Variants in SBF1 observed in about 807,000 individuals in gnomAD.
SBF1 encodes the protein SET binding factor 1, also known as myotubularin-related protein 5.
Under a neutral mutation model 215.8 loss-of-function variants are expected in SBF1, and 65 were observed. The observed-to-expected ratio is 0.30, with a 90% CI of 0.25 to 0.37. The LOEUF is 0.37. SBF1 is among the 10% of genes least tolerant of loss of function. The pLI is 1.00. For synonymous variants in SBF1, 1,410 were observed against 1,122.8 expected (o/e 1.26, Z -5.11); for missense variants, 2,634 against 2,667.8 (o/e 0.99, Z 0.28).
chr22:50,460,443 G>A (rs763698635), intron 24 of SBF1, 35 bp from the exon 25 acceptor site: 2 of 1,602,768 alleles, frequency 1.2e-6, no homozygotes, highest in Non-Finnish European at 8.5e-7. Flanking sequence ...GGTGAGAGGA[G>A]GAGGGACAAA....
In SBF1 at chr22:50,460,026, G is replaced by T. The variant is rs772746655; in HGVS notation, c.3417C>A (p.Ser1139Arg). 1 of 1,614,006 alleles carries T rather than the reference G, an allele frequency of 6.2e-7. No individual in the cohort carries two copies. The highest frequency in any genetic ancestry group is 8.5e-7 in the Non-Finnish European group (1 of 1,179,976). ...CAGACTTGGCCCGGCTCAGGCTGCT[G>T]CTCAGGGTGCCCAGACCGAGGCGCT... is the stretch of plus-strand genomic sequence containing the variant. The part of the protein sequence containing the change: ...DYQRLGLGTL[S>R]SSLSRAKSEP... Residue 1139 changes from serine to arginine, a missense_variant, in exon 26 of 41, where the codon AGC becomes AGA. Transcript: ENST00000380817.
rs1462481566 is a variant in SBF1 at position 50,446,949 on chromosome 22, G to C, written c.*193C>G. On this transcript the variant is annotated 3_prime_UTR_variant, in exon 41 of 41. Coordinates refer to ENST00000380817, the MANE Select transcript of SBF1 (RefSeq NM_002972.4). ...TGGCCACCTCCCGGCACGGTGCTCA[G>C]CTGTGACGCCAAAATAAGTTAGGGC... 2 of 708,704 alleles carry C rather than the reference G, an allele frequency of 2.8e-6. No homozygotes were observed. The highest frequency in any genetic ancestry group is 2.6e-6 in the Non-Finnish European group (1 of 391,696). 43.9% of individuals were successfully genotyped at this position (708,704 alleles called of 1,614,324 possible). A position where few individuals can be genotyped will look rare whatever the true frequency, so the allele number is the denominator to read the frequency against.
Position 50,460,332 on chromosome 22 carries a change from G to A in SBF1, c.3223C>T (p.Pro1075Ser). 5 of 1,613,550 alleles carry A rather than the reference G, an allele frequency of 3.1e-6. No individual in the cohort carries two copies. Among genetic ancestry groups the A allele is most frequent in the Non-Finnish European group, 4.2e-6 (5 of 1,179,630 alleles). ...RQHVTRKKYN[P>S]PSWEHRGQPP... is the part of the protein sequence containing the mutation. ...TGGCCCCGGTGCTCCCAGCTGGGGGGGTTGTACTTCTTGCGAGTGACATGC... is the reference window on the plus strand; with the variant it reads ...TGGCCCCGGTGCTCCCAGCTGGGGGAGTTGTACTTCTTGCGAGTGACATGC... The change falls in exon 25 of 41, where the codon CCC becomes TCC. Residue 1075 changes from proline (P) to serine (S), a missense_variant. Coordinates refer to ENST00000380817, the MANE Select transcript of SBF1 (RefSeq NM_002972.4).
chr22:50,460,240 G>C (rs374273752), intron 25 of SBF1, 32 bp downstream of exon 25: 5 of 1,599,668 alleles, frequency 3.1e-6, no homozygotes, highest in African/African-American at 1.3e-5. Flanking sequence ...AGCATCCAGA[G>C]ACCACCCAGG....
At chr22:50,457,545 G>A (rs1248264667) in intron 28 of SBF1, among the ~76,000 whole-genome samples, 1 of 152,246 alleles carries the variant, frequency 6.6e-6, no homozygotes, top group East Asian at 1.9e-4. Context: ...AACAGGAGGT[G>A]CCCAAGAGGT....
Position 50,474,868 on chromosome 22 carries a change from G to A in SBF1, c.-28C>T, listed in dbSNP as rs767730664. On this transcript the variant is annotated 5_prime_UTR_variant, in exon 1 of 41. Coordinates refer to ENST00000380817, the MANE Select transcript of SBF1 (RefSeq NM_002972.4). ...CGAGGGACGCGGGGCGGCCCGAGGGGCGCGGGCGGGCTCCGCGGCTCGGGG... is the reference window on the plus strand; with the variant it reads ...CGAGGGACGCGGGGCGGCCCGAGGGACGCGGGCGGGCTCCGCGGCTCGGGG... 21 of 1,354,806 alleles carry A rather than the reference G, an allele frequency of 1.6e-5. 1 individual carries two copies. In the South Asian group the frequency reaches 1.9e-4, roughly 12 times the overall value. The allele number at this position is 1,354,806 out of a possible 1,614,324, so 83.9% of individuals were successfully genotyped here. A position where few individuals can be genotyped will look rare whatever the true frequency, so the allele number is the denominator to read the frequency against.
chr22:50,461,707 C>T lies in SBF1; in HGVS notation c.2655G>A (p.Leu885=), dbSNP rs766609667. The T allele has an allele frequency of 6.2e-7, 1 of 1,609,902 alleles. No homozygotes were observed. Among genetic ancestry groups the T allele is most frequent in the Non-Finnish European group, 8.5e-7 (1 of 1,178,920 alleles). Residue 885 remains leucine, a synonymous_variant, in exon 22 of 41, where the codon CTG becomes CTA. Transcript: ENST00000380817. Reference sequence around the variant, plus strand: ...CCTCACCCGGCAGCAGGCGCGGCCGCAGCAGCTTGGGCTGCTCGAAAACAA... The same window carrying T: ...CCTCACCCGGCAGCAGGCGCGGCCGTAGCAGCTTGGGCTGCTCGAAAACAA... ...RLPPIQKPKL[L]RPRLLPGEEC...
Position 50,467,094 on chromosome 22 carries a change from T to C in SBF1, c.549+244A>G, listed in dbSNP as rs376589792. On this transcript the variant is annotated intron_variant, in intron 5 of 40. Coordinates refer to ENST00000380817, the MANE Select transcript of SBF1 (RefSeq NM_002972.4). ...GCAGACAAACAAGCTGACATCAACA[T>C]CCAGAGACAGGCACACACCATCAAA... is the stretch of plus-strand genomic sequence containing the variant. 1.2e-4 allele frequency: 71 copies of C among 587,920 alleles called. 2 individuals are homozygous for C. The East Asian group carries it at 1.9e-3, about 16-fold the overall frequency. The allele number at this position is 587,920 out of a possible 1,614,324, so 36.4% of individuals were successfully genotyped here.
At position 50,460,354 on chromosome 22, in the gene SBF1, A is replaced by ATGC; in HGVS notation, c.3198_3200dup (p.Gln1066dup). On this transcript the variant is annotated inframe_insertion, in exon 25 of 41. Coordinates refer to ENST00000380817, the MANE Select transcript of SBF1 (RefSeq NM_002972.4). ...GGGGGTTGTACTTCTTGCGAGTGAC[A>ATGC]TGCTGCCGCCCGATGGTCTTCTTGG... is the stretch of plus-strand genomic sequence containing the variant. 1.2e-6 allele frequency: 2 copies of ATGC among 1,613,480 alleles called. No homozygotes were observed. Among genetic ancestry groups the ATGC allele is most frequent in the Middle Eastern group, 1.7e-4 (1 of 6,060 alleles).
At chr22:50,457,170 T>TG in intron 28 of SBF1, 59 bp from the exon 29 acceptor site, 1 of 1,360,908 alleles carries the variant, frequency 7.3e-7, no homozygotes, top group Non-Finnish European at 9.7e-7. Flanking sequence ...GTGCCCAGCT[T>TG]GGGGGTGCCT....
chr22:50,472,119 T>C lies in SBF1; in HGVS notation c.55+2667A>G, dbSNP rs111426919. Among the ~76,000 whole-genome samples the C allele has an allele frequency of 4.6e-3, 698 of 152,266 alleles. 5 individuals are homozygous for C. The highest frequency in any genetic ancestry group is 0.044 in the Middle Eastern group (13 of 294). ...GCCTGCCCCAGAGCACAGAAGGTGA[T>C]CCCTGACTCACCAGGTGAGGGGCCT... On this transcript the variant is annotated intron_variant, in intron 1 of 40. Transcript: ENST00000380817.
chr22:50,454,453 G>A (rs2067166561), intron 36 of SBF1, 59 bp downstream of exon 36: 2 of 1,429,460 alleles, frequency 1.4e-6, no homozygotes, highest in African/African-American at 2.8e-5. Context: ...GCACGACCCT[G>A]GTGTCTGAGC....
intron 36 of SBF1, among the ~76,000 whole-genome samples, chr22:50,452,878 CAG>C (rs1409615332): frequency 7.9e-5 from 12 of 151,872 alleles, no homozygotes; most frequent in Admixed American, 3.9e-4. Flanking sequence ...AATTTCAAGT[CAG>C]ATGATTATAG....
chr22:50,466,575 G>T, intron 6 of SBF1, 30 bp downstream of exon 6: 1 of 1,535,406 alleles, frequency 6.5e-7, no homozygotes, highest in African/African-American at 1.4e-5. Flanking sequence ...CCGAGGGGAA[G>T]CCATGCGGGG....
rs1182904800 is a variant in SBF1 at position 50,456,329 on chromosome 22, C to T, written c.4153G>A (p.Val1385Met). 1.9e-6 allele frequency: 3 copies of T among 1,613,294 alleles called. No individual in the cohort carries two copies. The highest frequency in any genetic ancestry group is 2.5e-6 in the Non-Finnish European group (3 of 1,180,004). The change falls in exon 31 of 41, where the codon GTG becomes ATG. Residue 1385 changes from valine to methionine, a missense_variant. Transcript: ENST00000380817. ...AGCAGCTTCTTGAAGCTAGCCTTCA[C>T]CTGCCGTGCCTCGAATACCTCAATG... is the stretch of plus-strand genomic sequence containing the variant. ...VPIEVFEARQ[V>M]KASFKKLLKA...
chr22:50,445,771 C>G lies in SBF1; in HGVS notation c.*1371G>C, dbSNP rs2148543116. ...TGTGGGGTGGGGGAGGTGGCGGGAC[C>G]ATGCTGGGCCTGACAGGGTCCAAGG... On this transcript the variant is annotated 3_prime_UTR_variant, in exon 41 of 41. Coordinates refer to ENST00000380817, the MANE Select transcript of SBF1 (RefSeq NM_002972.4). 6.6e-6 allele frequency: 1 copy of G among 152,400 alleles called. No homozygotes were observed. The highest frequency in any genetic ancestry group is 2.1e-4 in the South Asian group (1 of 4,826). 9.4% of individuals were successfully genotyped at this position (152,400 alleles called of 1,614,324 possible).
chr22:50,471,288 A>T (rs1603435312), intron 1 of SBF1, among the ~76,000 whole-genome samples: 1 of 152,158 alleles, frequency 6.6e-6, no homozygotes, highest in Non-Finnish European at 1.5e-5. Context: ...CTCCTGCACC[A>T]ATGTCCCTGC....
In SBF1 at chr22:50,456,704, A is replaced by G. The variant is rs4824117; in HGVS notation, c.3905-31T>C. 956,944 of 1,445,352 alleles carry G rather than the reference A, an allele frequency of 0.66. 321,328 individuals are homozygous for G. The highest frequency in any genetic ancestry group is 0.85 in the African/African-American group (59,067 of 69,630). 89.5% of individuals were successfully genotyped at this position (1,445,352 alleles called of 1,614,324 possible). On this transcript the variant is annotated intron_variant, in intron 29 of 40. Coordinates refer to ENST00000380817, the MANE Select transcript of SBF1 (RefSeq NM_002972.4). ...AAGGAGATGCCAGGTAAGCACCCAA[A>G]GGGGGCCAGGGCACCACTTACCTGG...
At chr22:50,465,885 T>C (rs760523301) in intron 9 of SBF1, 45 bp from the exon 10 acceptor site, 1 of 1,611,890 alleles carries the variant, frequency 6.2e-7, no homozygotes. Context: ...TGGCCCCGGC[T>C]CTAGGCTCCC....
Sources: allele counts gnomAD v4.1 joint callset (sites outside exome capture counted in the v4.1 genomes callset), GRCh38; gene constraint gnomAD v4.1.1; transcripts MANE v1.5; gene names NCBI Gene and HGNC (gene_info 2026-07-23, HGNC 2026-07-21).